Variants in DOCK8 observed in about 807,000 individuals in gnomAD.
The protein encoded by DOCK8 is dedicator of cytokinesis protein 8.
A neutral mutation model predicts 245.6 loss-of-function variants in DOCK8; 141 were observed. That is an observed-to-expected ratio of 0.57 (90% CI 0.50 to 0.66). DOCK8 has a LOEUF of 0.66. Ranked by LOEUF, DOCK8 falls within the 30% of genes least tolerant of loss-of-function variation. The pLI is 0.00. For synonymous variants in DOCK8, 1,168 were observed against 970.2 expected (o/e 1.20, Z -3.79); for missense variants, 2,965 against 2,603.4 (o/e 1.14, Z -3.02).
intron 4 of DOCK8, among the ~76,000 whole-genome samples, chr9:292,433 A>G (rs1301377864): frequency 6.8e-6 from 1 of 147,418 alleles, no homozygotes; most frequent in Non-Finnish European, 1.5e-5. Context: ...CACTACATGC[A>G]TGAATCCTCA....
At chr9:355,192 C>CTTTTTT (rs749045514) in intron 14 of DOCK8, among the ~76,000 whole-genome samples, 58 of 121,080 alleles carry the variant, frequency 4.8e-4, no homozygotes, top group Non-Finnish European at 6.0e-4. Flanking sequence ...TGTTTCTTTT[C>CTTTTTT]TTTTTTTTTT....
intron 14 of DOCK8, among the ~76,000 whole-genome samples, chr9:366,707 A>C (rs1448818482): frequency 6.6e-6 from 1 of 152,050 alleles, no homozygotes; most frequent in Non-Finnish European, 1.5e-5. Flanking sequence ...AGTGCACAGT[A>C]ACCTGTTTAT....
At chr9:221,760 T>C (rs1477114048) in intron 1 of DOCK8, among the ~76,000 whole-genome samples, 1 of 151,378 alleles carries the variant, frequency 6.6e-6, no homozygotes, top group African/African-American at 2.4e-5. Flanking sequence ...AGGCGGAAGT[T>C]GCAGTGAGCC....
intron 1 of DOCK8, among the ~76,000 whole-genome samples, chr9:264,108 ACT>A (rs1351670288): frequency 2.6e-5 from 4 of 152,000 alleles, no homozygotes; most frequent in African/African-American, 9.7e-5. Context: ...TTCTGGAAAG[ACT>A]CTCTTTTCTT....
intron 1 of DOCK8, among the ~76,000 whole-genome samples, chr9:238,892 G>A (rs1399398933): frequency 6.6e-6 from 1 of 152,142 alleles, no homozygotes; most frequent in Non-Finnish European, 1.5e-5. Flanking sequence ...GCCGTCCAGG[G>A]CCAAGTTTGG....
chr9:243,595 C>G (rs2047429512), intron 1 of DOCK8, among the ~76,000 whole-genome samples: 1 of 152,194 alleles, frequency 6.6e-6, no homozygotes, highest in Non-Finnish European at 1.5e-5. Context: ...TGTTTCATCT[C>G]AGGATTTCCA....
At chr9:262,336 A>G (rs2047936867) in intron 1 of DOCK8, among the ~76,000 whole-genome samples, 1 of 151,828 alleles carries the variant, frequency 6.6e-6, no homozygotes, top group South Asian at 2.1e-4. Context: ...ACCCAAGAGG[A>G]ATGAAAGAAT....
intron 14 of DOCK8, among the ~76,000 whole-genome samples, chr9:342,719 C>T (rs558144224): frequency 6.6e-5 from 10 of 152,232 alleles, no homozygotes; most frequent in East Asian, 3.9e-4. Flanking sequence ...CCACCTGCCT[C>T]GGCCTCCCAA....
At chr9:322,616 C>T (rs1460788981) in intron 7 of DOCK8, among the ~76,000 whole-genome samples, 1 of 152,242 alleles carries the variant, frequency 6.6e-6, no homozygotes, top group East Asian at 1.9e-4. Flanking sequence ...CTTATTATAA[C>T]ACAATTTTAA....
intron 26 of DOCK8, among the ~76,000 whole-genome samples, chr9:400,827 T>C (rs377526184): frequency 0.015 from 45 of 3,060 alleles, no homozygotes; most frequent in Middle Eastern, 0.17. Context: ...ACCTCCACCA[T>C]CACCATCACC....
intron 26 of DOCK8, among the ~76,000 whole-genome samples, chr9:401,636 T>C (rs1457148245): frequency 6.6e-6 from 1 of 151,962 alleles, no homozygotes; most frequent in African/African-American, 2.4e-5. Context: ...CTGGGCATGG[T>C]AAAATTTGAG....
intron 5 of DOCK8, among the ~76,000 whole-genome samples, chr9:305,688 T>C (rs574849311): frequency 1.9e-4 from 29 of 152,370 alleles, no homozygotes; most frequent in African/African-American, 7.0e-4. Context: ...ATTTTTTAAA[T>C]GCCTGGGGTC....
chr9:403,932 G>GTA (rs1206391530), intron 26 of DOCK8, among the ~76,000 whole-genome samples: 9,238 of 80,240 alleles, frequency 0.12, 581 homozygotes, highest in African/African-American at 0.16. Context: ...ATATATATGT[G>GTA]TATATATATA....
chr9:279,798 G>T (rs76307794), intron 2 of DOCK8, among the ~76,000 whole-genome samples: 6,721 of 152,260 alleles, frequency 0.044, 194 homozygotes, highest in South Asian at 0.091. Context: ...ATACAGGTGC[G>T]CCAGCTGGAG....
intron 7 of DOCK8, among the ~76,000 whole-genome samples, chr9:319,382 T>G (rs1323016860): frequency 2.0e-5 from 3 of 152,170 alleles, no homozygotes; most frequent in Non-Finnish European, 4.4e-5. Context: ...AGAAATTAAG[T>G]CGAATTGACA....
chr9:391,831 T>TC (rs1292506725), intron 24 of DOCK8, among the ~76,000 whole-genome samples: 1 of 149,454 alleles, frequency 6.7e-6, no homozygotes, highest in African/African-American at 2.5e-5. Context: ...CTTTTTTTTT[T>TC]TTTTTTTTTT....
chr9:428,735 G>A (rs1207185315), intron 35 of DOCK8, among the ~76,000 whole-genome samples: 2 of 152,154 alleles, frequency 1.3e-5, no homozygotes, highest in African/African-American at 4.8e-5. Flanking sequence ...AGTTTAAAAT[G>A]GCCATTCGCT....
At chr9:453,418 A>C (rs2057528821) in intron 46 of DOCK8, among the ~76,000 whole-genome samples, 1 of 151,818 alleles carries the variant, frequency 6.6e-6, no homozygotes, top group Non-Finnish European at 1.5e-5. Flanking sequence ...ATATTTGGGG[A>C]ATTATTTTAT....
At chr9:324,091 G>T (rs997728767) in intron 7 of DOCK8, among the ~76,000 whole-genome samples, 1 of 152,224 alleles carries the variant, frequency 6.6e-6, no homozygotes. Flanking sequence ...ATTCAGAAAG[G>T]CGAGTAACCT....
Sources: allele counts gnomAD v4.1 joint callset (sites outside exome capture counted in the v4.1 genomes callset), GRCh38; gene constraint gnomAD v4.1.1; transcripts MANE v1.5; gene names NCBI Gene and HGNC (gene_info 2026-07-23, HGNC 2026-07-21).